ATP6V0A2: variants seen among roughly 807,000 people sequenced by gnomAD.
ATP6V0A2 encodes the protein V-type proton ATPase 116 kDa subunit a 2.
ATP6V0A2 carries 58 observed loss-of-function variants against 104.4 expected under a neutral mutation model. That is an observed-to-expected ratio of 0.56 (90% CI 0.45 to 0.69). The LOEUF (loss-of-function observed/expected upper bound fraction) is 0.69, where lower values mean the gene tolerates loss of function less well. Among genes scored for constraint, ATP6V0A2 ranks in the 30% least tolerant of loss-of-function variants. The pLI is 0.00. For synonymous variants in ATP6V0A2, 376 were observed against 397.9 expected (o/e 0.95, Z 0.65); for missense variants, 938 against 1,062.9 (o/e 0.88, Z 1.63).
intron 9 of ATP6V0A2, among the ~76,000 whole-genome samples, chr12:123,740,651 T>G (rs888322582): frequency 6.6e-6 from 1 of 152,230 alleles, no homozygotes; most frequent in Non-Finnish European, 1.5e-5. Context: ...GTTTTCTTCT[T>G]TTAGGACCTC....
rs185173578 is a variant in ATP6V0A2, at chr12:123,720,916, G to A, written c.197-1435G>A. Among the ~76,000 whole-genome samples the A allele has an allele frequency of 1.2e-4, 18 of 151,814 alleles. No individual in the cohort carries two copies. The East Asian group carries it at 3.3e-3, about 28-fold the overall frequency. On this transcript the variant is annotated intron_variant, in intron 2 of 19. Coordinates refer to ENST00000330342, the MANE Select transcript of ATP6V0A2 (RefSeq NM_012463.4). ...GTATAAATTGGTTAAAACAATTTGCGTTCATTTCTAGAAACCTCTTAGACC... is the reference window on the plus strand; with the variant it reads ...GTATAAATTGGTTAAAACAATTTGCATTCATTTCTAGAAACCTCTTAGACC...
chr12:123,757,011 G>A (rs534525209), intron 19 of ATP6V0A2, 25 bp downstream of exon 19: 72 of 1,613,864 alleles, frequency 4.5e-5, no homozygotes, highest in Admixed American at 6.7e-5. Flanking sequence ...TAGCCTTGGA[G>A]CTGTTATTTA....
chr12:123,758,237 G>T lies in ATP6V0A2; in HGVS notation c.*205G>T. 4.5e-6 allele frequency: 2 copies of T among 448,850 alleles called. No individual in the cohort carries two copies. Among genetic ancestry groups the T allele is most frequent in the South Asian group, 4.1e-5 (1 of 24,128 alleles). 27.8% of individuals were successfully genotyped at this position (448,850 alleles called of 1,614,324 possible). ...AATTTGAGATATAAAAATTTCTTTT[G>T]GTTTTTTATGATGAGCAAATATAAG... is the stretch of plus-strand genomic sequence containing the variant. On this transcript the variant is annotated 3_prime_UTR_variant, in exon 20 of 20. Transcript: ENST00000330342.
chr12:123,744,593 A>G lies in ATP6V0A2; in HGVS notation c.1327-4A>G. Reference sequence around the variant, plus strand: ...ATATTCTGCCCCCGCCTTGCCCTTCACAGATCATGAGGATGTTTTTTAATG... The same window carrying G: ...ATATTCTGCCCCCGCCTTGCCCTTCGCAGATCATGAGGATGTTTTTTAATG... On this transcript the variant is annotated splice_region_variant and splice_polypyrimidine_tract_variant and intron_variant, in intron 11 of 19. Transcript: ENST00000330342. This position sits in a 1 kb window ranked among gnomAD's most constrained non-coding sequence, Gnocchi z 5.4. 1 of 1,612,616 alleles carries G rather than the reference A, an allele frequency of 6.2e-7. No homozygotes were observed. The highest frequency in any genetic ancestry group is 8.5e-7 in the Non-Finnish European group (1 of 1,180,008).
chr12:123,734,115 G>A (rs947412377), intron 7 of ATP6V0A2, 107 bp downstream of exon 7: 4 of 836,786 alleles, frequency 4.8e-6, no homozygotes, highest in Non-Finnish European at 7.9e-6. Flanking sequence ...GCTAGTTTTT[G>A]TTATATGATT....
chr12:123,751,640 C>T (rs966523271), intron 16 of ATP6V0A2, among the ~76,000 whole-genome samples: 1 of 151,880 alleles, frequency 6.6e-6, no homozygotes, highest in Non-Finnish European at 1.5e-5. Flanking sequence ...GGCAACAGAG[C>T]AAGACTCTGT....
At chr12:123,724,606 A>T (rs765185196) in intron 3 of ATP6V0A2, 48 bp from the exon 4 acceptor site, 1 of 1,602,010 alleles carries the variant, frequency 6.2e-7, no homozygotes, top group Non-Finnish European at 8.5e-7. Flanking sequence ...TTGGAATTAC[A>T]CTTGGAACTA....
Position 123,744,811 on chromosome 12 carries a change from C to T in ATP6V0A2, c.1514+27C>T. 2 of 1,614,056 alleles carry T rather than the reference C, an allele frequency of 1.2e-6. No individual in the cohort carries two copies. Among genetic ancestry groups the T allele is most frequent in the Non-Finnish European group, 1.7e-6 (2 of 1,179,900 alleles). On this transcript the variant is annotated intron_variant, in intron 12 of 19. Transcript: ENST00000330342. This position sits in a 1 kb window ranked among gnomAD's most constrained non-coding sequence, Gnocchi z 5.4. ...TAAGTGTCCCATAGCTGGTGATGCT[C>T]TGGGTGGAAAGCATGTTTCCTAGAC...
Position 123,756,798 on chromosome 12 carries a change from G to T in ATP6V0A2, c.2294-17G>T, listed in dbSNP as rs1237033086. On this transcript the variant is annotated splice_polypyrimidine_tract_variant and intron_variant, in intron 18 of 19. Coordinates refer to ENST00000330342, the MANE Select transcript of ATP6V0A2 (RefSeq NM_012463.4). The stretch of plus-strand genomic sequence containing the variant: ...ACATAAGCGAGCATGACCTGTGCAG[G>T]CTGCACTCCTTTGCAGAGTTGTCTG... 6.2e-7 allele frequency: 1 copy of T among 1,613,202 alleles called. No homozygotes were observed. The highest frequency in any genetic ancestry group is 1.7e-5 in the Admixed American group (1 of 60,026).
chr12:123,747,458 C>T, intron 13 of ATP6V0A2, 149 bp from the exon 14 acceptor site: 1 of 701,916 alleles, frequency 1.4e-6, no homozygotes, highest in African/African-American at 1.8e-5. Context: ...ATCAATGGTT[C>T]TCAGATTGAA....
chr12:123,754,218 A>G, intron 17 of ATP6V0A2: 1 of 615,798 alleles, frequency 1.6e-6, no homozygotes, highest in South Asian at 1.9e-5. Flanking sequence ...TTGGGGTGGT[A>G]AAGTCTGGTC....
intron 2 of ATP6V0A2, among the ~76,000 whole-genome samples, chr12:123,720,483 G>A (rs1401776168): frequency 6.6e-6 from 1 of 152,220 alleles, no homozygotes; most frequent in Non-Finnish European, 1.5e-5. Flanking sequence ...GATCACTTGA[G>A]TCCAGGAGTT....
intron 5 of ATP6V0A2, 74 bp downstream of exon 5, chr12:123,726,359 G>A (rs1956449029): frequency 2.0e-6 from 2 of 1,016,524 alleles, no homozygotes; most frequent in African/African-American, 3.2e-5. Context: ...CCATAGAAGG[G>A]ATGAATGGAG....
chr12:123,726,233 A>G lies in ATP6V0A2; in HGVS notation c.469A>G (p.Ser157Gly). 2 of 1,613,644 alleles carry G rather than the reference A, an allele frequency of 1.2e-6. No homozygotes were observed. Among genetic ancestry groups the G allele is most frequent in the South Asian group, 1.1e-5 (1 of 91,068 alleles). Residue 157 changes from serine (S) to glycine (G), a missense_variant, in exon 5 of 20, where the codon AGT (serine) becomes GGT (glycine). Coordinates refer to ENST00000330342, the MANE Select transcript of ATP6V0A2 (RefSeq NM_012463.4). ...PTYEEFPSLE[S>G]DSLLDYSCMQ... ...TTATGAAGAATTCCCTTCCTTAGAG[A>G]GTGATTCTTTGTTGGATTACAGCTG...
In ATP6V0A2 at chr12:123,727,768, T is replaced by C; in HGVS notation, c.522-15T>C. 6.2e-7 allele frequency: 1 copy of C among 1,612,186 alleles called. No individual in the cohort carries two copies. The highest frequency in any genetic ancestry group is 8.5e-7 in the Non-Finnish European group (1 of 1,179,992). On this transcript the variant is annotated splice_polypyrimidine_tract_variant and intron_variant, in intron 5 of 19. Coordinates refer to ENST00000330342, the MANE Select transcript of ATP6V0A2 (RefSeq NM_012463.4). The stretch of plus-strand genomic sequence containing the variant: ...TGCTTTCAGTTGACTACAGGTTGAC[T>C]TTACTGTCTCACAGATTTGTGTCTG...
At chr12:123,741,656 G>T (rs1367892547) in intron 9 of ATP6V0A2, among the ~76,000 whole-genome samples, 1 of 151,900 alleles carries the variant, frequency 6.6e-6, no homozygotes, top group Non-Finnish European at 1.5e-5. Context: ...TAGAGATGGG[G>T]TCTCTACAAA....
At chr12:123,751,611 G>A (rs559125548) in intron 16 of ATP6V0A2, among the ~76,000 whole-genome samples, 4 of 152,132 alleles carry the variant, frequency 2.6e-5, no homozygotes, top group South Asian at 2.1e-4. Context: ...TTGTGATCAC[G>A]CCACTGCACT....
rs747772644 is a variant in ATP6V0A2, at chr12:123,758,089, C to CT, written c.*60dup. ...TTATGGAGAATGACCATGTTATAGACTTTCACTTATGTCAGATTTATGATA... is the reference window on the plus strand; with the variant it reads ...TTATGGAGAATGACCATGTTATAGACTTTTCACTTATGTCAGATTTATGATA... On this transcript the variant is annotated 3_prime_UTR_variant, in exon 20 of 20. Transcript: ENST00000330342. 1.0e-4 allele frequency: 123 copies of CT among 1,236,070 alleles called. No homozygotes were observed. The highest frequency in any genetic ancestry group is 1.5e-4 in the Non-Finnish European group (122 of 840,680). 76.6% of individuals were successfully genotyped at this position (1,236,070 alleles called of 1,614,324 possible). A position where few individuals can be genotyped will look rare whatever the true frequency, so the allele number is the denominator to read the frequency against.
At chr12:123,720,574 G>T (rs530842590) in intron 2 of ATP6V0A2, among the ~76,000 whole-genome samples, 28 of 152,250 alleles carry the variant, frequency 1.8e-4, no homozygotes, top group African/African-American at 5.8e-4. Context: ...TGTGCCTGTA[G>T]TCTTAGCTAC....
Sources: gnomAD v4.1 joint callset for allele counts (sites outside exome capture counted in the v4.1 genomes callset) on GRCh38, gnomAD v4.1.1 for gene constraint, Gnocchi (gnomAD v3.1) non-coding constraint, MANE v1.5 for transcripts, NCBI Gene and HGNC (gene_info 2026-07-23, HGNC 2026-07-21) for gene names.